Variants in STK24 observed in about 807,000 individuals in gnomAD.
STK24 encodes serine/threonine kinase 24.
Under a neutral mutation model 55.6 loss-of-function variants are expected in STK24, and 21 were observed. The ratio of observed to expected loss-of-function variants is 0.38; its 90% CI spans 0.27 to 0.54. The LOEUF (loss-of-function observed/expected upper bound fraction) is 0.54. STK24 is among the 20% of genes least tolerant of loss of function. The pLI is 0.79. For missense variants in STK24, 383 were observed against 538.4 expected (o/e 0.71, Z 2.86); for synonymous variants, 200 against 215.2 (o/e 0.93, Z 0.62).
chr13:98,516,650 T>C (rs1896071157), intron 2 of STK24, among the ~76,000 whole-genome samples: 2 of 152,010 alleles, frequency 1.3e-5, no homozygotes, highest in Non-Finnish European at 2.9e-5. Context: ...AGCCTCCATT[T>C]CTCCCCCAAC....
intron 1 of STK24, among the ~76,000 whole-genome samples, chr13:98,556,342 C>T (rs1397803104): frequency 6.6e-6 from 1 of 152,222 alleles, no homozygotes; most frequent in Admixed American, 6.5e-5. Context: ...AGGCTGGGTG[C>T]TGCGGGCAGC....
intron 1 of STK24, among the ~76,000 whole-genome samples, chr13:98,555,875 G>T (rs1897277204): frequency 6.6e-6 from 1 of 151,340 alleles, no homozygotes; most frequent in Admixed American, 6.6e-5. Flanking sequence ...GTAAAGATGG[G>T]GTTTCACCAT....
intron 1 of STK24, among the ~76,000 whole-genome samples, chr13:98,552,479 T>C (rs1897180766): frequency 6.6e-6 from 1 of 151,974 alleles, no homozygotes; most frequent in Admixed American, 6.6e-5. Context: ...GGGAAAAGAC[T>C]AAGGGAAATT....
At chr13:98,460,837 C>T (rs4772085) in intron 8 of STK24, among the ~76,000 whole-genome samples, 124,618 of 151,516 alleles carry the variant, frequency 0.82, 51,868 homozygotes, top group Non-Finnish European at 0.9. Flanking sequence ...CCCAAGAGTT[C>T]GAGACCAGCT....
chr13:98,503,528 A>G (rs1895568509), intron 2 of STK24, among the ~76,000 whole-genome samples: 1 of 152,240 alleles, frequency 6.6e-6, no homozygotes, highest in African/African-American at 2.4e-5. Flanking sequence ...ACAGTCTCCA[A>G]AAGAAAGGGC....
rs138701796 is a variant in STK24, at chr13:98,480,033, A to G, written c.330+2232T>C. On this transcript the variant is annotated intron_variant, in intron 3 of 10. Coordinates refer to ENST00000539966, the MANE Select transcript of STK24 (RefSeq NM_001032296.4). The stretch of plus-strand genomic sequence containing the variant: ...TCCTAGCTGAGACCCCTCACCCGTG[A>G]GGGTCTCCATTCCTGCACCAATTAA... Among the ~76,000 whole-genome samples, 13 of 152,294 alleles carry G rather than the reference A, an allele frequency of 8.5e-5. No homozygotes were observed. In the East Asian group the frequency reaches 2.1e-3, roughly 25 times the overall value.
In STK24 at chr13:98,453,115, A is replaced by G. The variant is rs1893274446; in HGVS notation, c.*58T>C. The G allele has an allele frequency of 3.1e-6, 5 of 1,599,296 alleles. 1 individual carries two copies. The highest frequency in any genetic ancestry group is 2.2e-5 in the South Asian group (2 of 90,414). The stretch of plus-strand genomic sequence containing the variant: ...CGAAGGCTCTCGTTGACTTTTAAAA[A>G]AGGAGGAGGATGAAGAAGGAAAAAA... On this transcript the variant is annotated 3_prime_UTR_variant, in exon 11 of 11. Transcript: ENST00000539966.
chr13:98,521,002 C>T (rs1348329800), intron 1 of STK24, among the ~76,000 whole-genome samples: 1 of 152,214 alleles, frequency 6.6e-6, no homozygotes. Context: ...ATATACCCAA[C>T]GGGAAATGCG....
At chr13:98,540,395 T>A (rs1896855816) in intron 1 of STK24, among the ~76,000 whole-genome samples, 1 of 152,170 alleles carries the variant, frequency 6.6e-6, no homozygotes, top group East Asian at 1.9e-4. Flanking sequence ...AACTACACAT[T>A]ACATACCTTT....
rs540848707 is a variant in STK24 at position 98,449,077 on chromosome 13, T to G, written c.*4096A>C. 1 of 152,206 alleles carries G rather than the reference T, an allele frequency of 6.6e-6. No individual in the cohort carries two copies. Among genetic ancestry groups the G allele is most frequent in the Non-Finnish European group, 1.5e-5 (1 of 68,056 alleles). 9.4% of individuals were successfully genotyped at this position (152,206 alleles called of 1,614,324 possible). ...ACCGTCCTGTGAGTGGTGTACACAA[T>G]GGGAAGATAATAAGCCGTGGTGTTT... is the stretch of plus-strand genomic sequence containing the variant. On this transcript the variant is annotated 3_prime_UTR_variant, in exon 11 of 11. Coordinates refer to ENST00000539966, the MANE Select transcript of STK24 (RefSeq NM_001032296.4).
At chr13:98,459,209 G>A (rs530517221) in intron 9 of STK24, among the ~76,000 whole-genome samples, 14 of 152,332 alleles carry the variant, frequency 9.2e-5, no homozygotes, top group South Asian at 2.1e-4. Flanking sequence ...AAAATGAAGC[G>A]CAGGATGGCG....
At position 98,548,629 on chromosome 13, in the gene STK24, A is replaced by C. The variant is rs1897086984; in HGVS notation, c.42+28116T>G. 2.0e-5 allele frequency among the ~76,000 whole-genome samples: 3 copies of C among 152,182 alleles called. No individual in the cohort carries two copies. The South Asian group carries it at 6.2e-4, about 32-fold the overall frequency. ...GTAATCCCAGCACTGTGGGAGGCTG[A>C]GGTGGGTGGATTACCTGAGGTCAGG... On this transcript the variant is annotated intron_variant, in intron 1 of 10. Coordinates refer to ENST00000539966, the MANE Select transcript of STK24 (RefSeq NM_001032296.4).
intron 1 of STK24, chr13:98,543,130 A>G (rs1327096739): frequency 6.3e-5 from 33 of 520,934 alleles, no homozygotes; most frequent in East Asian, 1.5e-4. Flanking sequence ...GCCATCCTCC[A>G]AAGTTTACAG....
chr13:98,456,040 G>A (rs534221277), intron 10 of STK24: 1 of 153,344 alleles, frequency 6.5e-6, no homozygotes, highest in African/African-American at 2.4e-5. Flanking sequence ...TCAAAGGAGG[G>A]AGGGATCGTC....
chr13:98,471,940 G>C (rs1316729181), intron 5 of STK24, among the ~76,000 whole-genome samples: 1 of 152,196 alleles, frequency 6.6e-6, no homozygotes, highest in Non-Finnish European at 1.5e-5. Flanking sequence ...AGACTAGGAG[G>C]GGAAATGTCT....
In STK24 at chr13:98,446,633, G is replaced by T. The variant is rs552093644; in HGVS notation, c.*6540C>A. 3 of 1,610,540 alleles carry T rather than the reference G, an allele frequency of 1.9e-6. No individual in the cohort carries two copies. Among genetic ancestry groups the T allele is most frequent in the Admixed American group, 1.7e-5 (1 of 59,912 alleles). On this transcript the variant is annotated 3_prime_UTR_variant, in exon 11 of 11. Coordinates refer to ENST00000539966, the MANE Select transcript of STK24 (RefSeq NM_001032296.4). The stretch of plus-strand genomic sequence containing the variant: ...AGGCCCAGCAGCAGAAGCTGACCCC[G>T]AAAAGCCACTTTGCTTTGTTTCCCC...
At chr13:98,492,420 G>A (rs2139325833) in intron 2 of STK24, among the ~76,000 whole-genome samples, 1 of 152,254 alleles carries the variant, frequency 6.6e-6, no homozygotes, top group East Asian at 1.9e-4. Context: ...AAAAAAGGGT[G>A]CTTTTGGAAA....
At chr13:98,469,915 A>G (rs748643777) in intron 5 of STK24, among the ~76,000 whole-genome samples, 2 of 152,226 alleles carry the variant, frequency 1.3e-5, no homozygotes, top group Non-Finnish European at 2.9e-5. Flanking sequence ...AAAACCAATT[A>G]CTTCGATTCC....
chr13:98,518,341 T>C (rs1198367858), intron 2 of STK24, among the ~76,000 whole-genome samples: 1 of 152,228 alleles, frequency 6.6e-6, no homozygotes, highest in Admixed American at 6.5e-5. Flanking sequence ...TTAGAGACTT[T>C]AGAGGGTAAG....
Sources: gnomAD v4.1 joint callset for allele counts (sites outside exome capture counted in the v4.1 genomes callset) on GRCh38, gnomAD v4.1.1 for gene constraint, MANE v1.5 for transcripts, NCBI Gene and HGNC (gene_info 2026-07-23, HGNC 2026-07-21) for gene names.